The following FNDC3B variants were observed in gnomAD, a reference collection of about 807,000 sequenced individuals.
FNDC3B encodes fibronectin type III domain containing 3B.
FNDC3B carries 12 observed loss-of-function variants against 151.5 expected under a neutral mutation model. That is an observed-to-expected ratio of 0.08 (90% CI 0.05 to 0.13). The LOEUF is 0.13. Among genes scored for constraint, FNDC3B ranks in the 10% least tolerant of loss-of-function variants. The probability of loss-of-function intolerance (pLI) is 1.00; values close to 1 mark genes in which losing one functional copy is unlikely to be tolerated. For missense variants in FNDC3B, 1,214 were observed against 1,505.3 expected, an observed-to-expected ratio of 0.81 and a Z score of 3.20; for synonymous variants, 528 against 549.0, an observed-to-expected ratio of 0.96 and a Z score of 0.54.
intron 3 of FNDC3B, among the ~76,000 whole-genome samples, chr3:172,207,266 T>G (rs1297377052): frequency 2.0e-5 from 3 of 152,218 alleles, no homozygotes; most frequent in African/African-American, 7.2e-5. Flanking sequence ...TGTTGGGTAT[T>G]ACTTTTGCCT....
chr3:172,236,623 C>T (rs990391971), intron 4 of FNDC3B, among the ~76,000 whole-genome samples: 25 of 152,124 alleles, frequency 1.6e-4, no homozygotes, highest in African/African-American at 5.8e-4. Context: ...TCGTGGTTCT[C>T]TGCAGTATCT....
At chr3:172,330,858 C>T (rs1186874826) in intron 13 of FNDC3B, 143 bp downstream of exon 13, 3 of 619,496 alleles carry the variant, frequency 4.8e-6, no homozygotes, top group Non-Finnish European at 8.3e-6. Flanking sequence ...ACTACCAACA[C>T]CGGCCTGTTC....
At position 172,334,343 on chromosome 3, in the gene FNDC3B, C is replaced by T. The variant is rs533591646; in HGVS notation, c.1642-601C>T. Among the ~76,000 whole-genome samples, 3 of 128,726 alleles carry T rather than the reference C, an allele frequency of 2.3e-5. No homozygotes were observed. In the South Asian group the frequency reaches 8.4e-4, roughly 36 times the overall value. 84.4% of individuals were successfully genotyped at this position (128,726 alleles called of 152,430 possible). On this transcript the variant is annotated intron_variant, in intron 14 of 25. Transcript: ENST00000415807. ...TCCCCCCCCCCACCCCCATATTTTC[C>T]TTTCACAAAACAATACAAACCAGGT...
intron 6 of FNDC3B, among the ~76,000 whole-genome samples, chr3:172,283,787 A>G (rs1345414982): frequency 1.3e-5 from 2 of 152,132 alleles, no homozygotes; most frequent in Non-Finnish European, 2.9e-5. Context: ...TTTACAGTTT[A>G]CTTAGCAGGG....
At chr3:172,332,957 T>C (rs199521693) in intron 13 of FNDC3B, 132 bp from the exon 14 acceptor site, 2 of 729,014 alleles carry the variant, frequency 2.7e-6, no homozygotes, top group Non-Finnish European at 4.9e-6. Context: ...TTTTCTCTTT[T>C]GCGGTAGCTG....
intron 11 of FNDC3B, chr3:172,316,590 A>C: frequency 2.7e-6 from 1 of 376,726 alleles, no homozygotes; most frequent in South Asian, 2.0e-5. Flanking sequence ...AGTTACATAA[A>C]GAAAGTATTT....
intron 3 of FNDC3B, among the ~76,000 whole-genome samples, chr3:172,162,430 A>G (rs1271551592): frequency 6.6e-6 from 1 of 152,164 alleles, no homozygotes; most frequent in Admixed American, 6.5e-5. Flanking sequence ...TTGGCTATTA[A>G]TACCGTGGCT....
chr3:172,224,894 G>A (rs1021272297), intron 3 of FNDC3B, among the ~76,000 whole-genome samples: 2 of 152,176 alleles, frequency 1.3e-5, no homozygotes, highest in African/African-American at 4.8e-5. Context: ...CTAAATAGGC[G>A]AGCCAGCCAC....
intron 1 of FNDC3B, among the ~76,000 whole-genome samples, chr3:172,102,586 C>T (rs1399289718): frequency 2.6e-5 from 4 of 152,140 alleles, no homozygotes; most frequent in Non-Finnish European, 4.4e-5. Context: ...CATAAAGAAA[C>T]TAAGACACAG....
Position 172,399,119 on chromosome 3 carries a change from A to C in FNDC3B, c.*1644A>C, listed in dbSNP as rs1736436397. On this transcript the variant is annotated 3_prime_UTR_variant, in exon 26 of 26. Transcript: ENST00000415807. Reference sequence around the variant, plus strand: ...CTTATAATATTCCCATACCAAAGTCATGGGGAAACAAACATTATTTTGTTT... The same window carrying C: ...CTTATAATATTCCCATACCAAAGTCCTGGGGAAACAAACATTATTTTGTTT... 1 of 152,650 alleles carries C rather than the reference A, an allele frequency of 6.6e-6. No homozygotes were observed. Among genetic ancestry groups the C allele is most frequent in the Non-Finnish European group, 1.5e-5 (1 of 68,032 alleles). The allele number at this position is 152,650 out of a possible 1,614,324, so 9.5% of individuals were successfully genotyped here.
At chr3:172,149,371 C>G (rs1402176292) in intron 3 of FNDC3B, among the ~76,000 whole-genome samples, 1 of 152,172 alleles carries the variant, frequency 6.6e-6, no homozygotes, top group African/African-American at 2.4e-5. Context: ...ATACAGGTTT[C>G]AATTCCTTAC....
At chr3:172,245,359 A>G (rs1560037118) in intron 4 of FNDC3B, among the ~76,000 whole-genome samples, 1 of 152,236 alleles carries the variant, frequency 6.6e-6, no homozygotes, top group African/African-American at 2.4e-5. Flanking sequence ...ACTGAATGAA[A>G]GAATAAAGAT....
intron 8 of FNDC3B, 96 bp downstream of exon 8, chr3:172,295,610 C>T: frequency 8.8e-7 from 1 of 1,134,508 alleles, no homozygotes; most frequent in Non-Finnish European, 1.2e-6. Context: ...ATAGGCTTGG[C>T]AAATTTTCCT....
chr3:172,086,762 A>G (rs1003509218), intron 1 of FNDC3B, among the ~76,000 whole-genome samples: 8 of 152,254 alleles, frequency 5.3e-5, no homozygotes, highest in African/African-American at 1.7e-4. Context: ...TGTGTGTTCA[A>G]AAACGTTCGG....
chr3:172,160,313 G>T (rs9839226), intron 3 of FNDC3B, among the ~76,000 whole-genome samples: 1 of 152,008 alleles, frequency 6.6e-6, no homozygotes, highest in Non-Finnish European at 1.5e-5. Flanking sequence ...TTACAGGGGC[G>T]GAGCTGCCTC....
At chr3:172,110,179 T>C (rs1719886967) in intron 1 of FNDC3B, among the ~76,000 whole-genome samples, 1 of 152,158 alleles carries the variant, frequency 6.6e-6, no homozygotes, top group Non-Finnish European at 1.5e-5. Flanking sequence ...TCAGACATTC[T>C]TCGGTACTAG....
intron 1 of FNDC3B, among the ~76,000 whole-genome samples, chr3:172,087,175 T>C (rs1451517954): frequency 6.6e-6 from 1 of 152,232 alleles, no homozygotes; most frequent in East Asian, 1.9e-4. Flanking sequence ...TTGAAAAGAA[T>C]TGATTTCCTA....
At chr3:172,082,476 A>G (rs1718330684) in intron 1 of FNDC3B, among the ~76,000 whole-genome samples, 1 of 152,210 alleles carries the variant, frequency 6.6e-6, no homozygotes, top group Non-Finnish European at 1.5e-5. Context: ...AGGACAGCCA[A>G]ATTCCATTAT....
At chr3:172,256,465 A>C (rs1394026620) in intron 6 of FNDC3B, among the ~76,000 whole-genome samples, 1 of 152,252 alleles carries the variant, frequency 6.6e-6, no homozygotes, top group Non-Finnish European at 1.5e-5. Context: ...TTGTGTACGG[A>C]GTATTATGCA....
Sources: allele counts gnomAD v4.1 joint callset (sites outside exome capture counted in the v4.1 genomes callset), GRCh38; gene constraint gnomAD v4.1.1; transcripts MANE v1.5; gene names NCBI Gene and HGNC (gene_info 2026-07-23, HGNC 2026-07-21).